The following DVL2 variants were observed in gnomAD, a reference collection of about 807,000 sequenced individuals.
DVL2 encodes the protein segment polarity protein dishevelled homolog DVL-2.
In DVL2, 38 loss-of-function variants were observed where a neutral mutation model predicts 69.8. That is an observed-to-expected ratio of 0.54 (90% CI 0.42 to 0.71). DVL2 has a LOEUF of 0.71. DVL2 is among the 30% of genes least tolerant of loss of function. The pLI, the probability that DVL2 is intolerant of heterozygous loss-of-function variation, is 0.00. For missense variants in DVL2, 931 were observed against 1,008.1 expected (o/e 0.92, Z 1.04); for synonymous variants, 428 against 392.4 (o/e 1.09, Z -1.07).
In DVL2 at chr17:7,234,110, C is replaced by A. The variant is rs987969510; in HGVS notation, c.153G>T (p.Ala51=). The A allele has an allele frequency of 1.2e-6, 2 of 1,614,114 alleles. No homozygotes were observed. The highest frequency in any genetic ancestry group is 1.7e-5 in the Admixed American group (1 of 60,024). The change falls in exon 1 of 15, where the codon GCG becomes GCT. Residue 51 remains alanine (A), a synonymous_variant. Transcript: ENST00000005340. ...GDFKSVLQRP[A]GAKYFFKSMD... ...TAGACTTGAAAAAGTACTTGGCGCC[C>A]GCGGGCCGCTGCAGGACGCTCTTGA...
In DVL2 at chr17:7,226,007, G is replaced by A. The variant is rs1465540012; in HGVS notation, c.2069C>T (p.Pro690Leu). Reference sequence around the variant, plus strand: ...AGGCTGCACTGCTGGAGGGACTGGAGGTGGAGGTGGGGGCATCATGACCAC... The same window carrying A: ...AGGCTGCACTGCTGGAGGGACTGGAAGTGGAGGTGGGGGCATCATGACCAC... ...MMVVMMPPPP[P>L]PVPPAVQPPG... Residue 690 changes from proline to leucine, a missense_variant, in exon 15 of 15, where the codon CCT (proline) becomes CTT (leucine). Transcript: ENST00000005340. 4 of 1,613,260 alleles carry A rather than the reference G, an allele frequency of 2.5e-6. No homozygotes were observed. Among genetic ancestry groups the A allele is most frequent in the East Asian group, 2.2e-5 (1 of 44,868 alleles).
At chr17:7,233,877 G>A in intron 1 of DVL2, 192 bp downstream of exon 1, 2 of 666,894 alleles carry the variant, frequency 3.0e-6, no homozygotes, top group South Asian at 1.8e-5. Flanking sequence ...ATCCTAGTCT[G>A]TCCGTGTGCC....
rs1318871106 is a variant in DVL2 at position 7,234,195 on chromosome 17, T to C, written c.68A>G (p.Glu23Gly). The C allele has an allele frequency of 6.2e-7, 1 of 1,614,058 alleles. No individual in the cohort carries two copies. The highest frequency in any genetic ancestry group is 2.2e-5 in the East Asian group (1 of 44,866). ...GATCTTCACCAGGTAGGGAGTCTCT[T>C]CCTCATCCAGGTGGTAAATCACCTT... ...ETKVIYHLDE[E>G]ETPYLVKIPV... Residue 23 changes from glutamate to glycine, a missense_variant, in exon 1 of 15, where the codon GAA becomes GGA. Around this residue, in one of 3 missense-constraint regions of DVL2, gnomAD observed 555 missense variants for 588.8 expected, o/e 0.94. Transcript: ENST00000005340.
chr17:7,230,868 T>C (rs2071532787), intron 1 of DVL2, 71 bp from the exon 2 acceptor site: 82 of 1,194,574 alleles, frequency 6.9e-5, no homozygotes, highest in Non-Finnish European at 9.8e-5. Flanking sequence ...TCAAACTTTC[T>C]CCCAATCTTC....
At chr17:7,233,833 G>C (rs1405378888) in intron 1 of DVL2, 1 of 591,980 alleles carries the variant, frequency 1.7e-6, no homozygotes, top group African/African-American at 1.9e-5. Flanking sequence ...ACCTATTCCA[G>C]TAAAGCCTAA....
At position 7,234,062 on chromosome 17, in the gene DVL2, C is replaced by G; in HGVS notation, c.194+7G>C. On this transcript the variant is annotated splice_region_variant and intron_variant, in intron 1 of 14. Transcript: ENST00000005340. The stretch of plus-strand genomic sequence containing the variant: ...CCCCGCCGGTCCTATCTAGGCCTTG[C>G]GCTCACCCGAAATCCTGATCCATAG... 1 of 1,613,664 alleles carries G rather than the reference C, an allele frequency of 6.2e-7. No homozygotes were observed. Among genetic ancestry groups the G allele is most frequent in the Non-Finnish European group, 8.5e-7 (1 of 1,179,988 alleles).
chr17:7,225,633 C>A lies in DVL2; in HGVS notation c.*232G>T, dbSNP rs370088608. The A allele has an allele frequency of 2.9e-5, 16 of 556,088 alleles. No homozygotes were observed. Among genetic ancestry groups the A allele is most frequent in the East Asian group, 1.9e-4 (6 of 32,150 alleles). 34.4% of individuals were successfully genotyped at this position (556,088 alleles called of 1,614,324 possible). On this transcript the variant is annotated 3_prime_UTR_variant, in exon 15 of 15. Coordinates refer to ENST00000005340, the MANE Select transcript of DVL2 (RefSeq NM_004422.3). ...AAAAATGTAAGAAACTCTATTTTAACCCCCAAAAAGGCTTATAAAAAAACA... is the reference window on the plus strand; with the variant it reads ...AAAAATGTAAGAAACTCTATTTTAAACCCCAAAAAGGCTTATAAAAAAACA...
Position 7,225,441 on chromosome 17 carries a change from GGCT to G in DVL2, c.*421_*423del. On this transcript the variant is annotated 3_prime_UTR_variant, in exon 15 of 15. Transcript: ENST00000005340. ...TGGCCCAAATCTCCCAGCTTCCTCA[GGCT>G]GCTGTCTAGGATGCCTAACCCCGGG... 2.3e-6 allele frequency: 1 copy of G among 441,152 alleles called. No homozygotes were observed. The allele number at this position is 441,152 out of a possible 1,614,324, so 27.3% of individuals were successfully genotyped here.
chr17:7,228,957 T>C lies in DVL2; in HGVS notation c.1034+12A>G, dbSNP rs1191834631. ...AGAGGACTGAGGACCGGCAACCTGC[T>C]TGGCAACTCACCCAGGCTTGTGCAC... On this transcript the variant is annotated intron_variant, in intron 9 of 14. Coordinates refer to ENST00000005340, the MANE Select transcript of DVL2 (RefSeq NM_004422.3). The C allele has an allele frequency of 7.4e-6, 12 of 1,613,814 alleles. No individual in the cohort carries two copies. The highest frequency in any genetic ancestry group is 9.3e-6 in the Non-Finnish European group (11 of 1,179,762).
At position 7,234,395 on chromosome 17, in the gene DVL2, GA is replaced by G; in HGVS notation, c.-134del. 5 of 1,048,478 alleles carry G rather than the reference GA, an allele frequency of 4.8e-6. No individual in the cohort carries two copies. The highest frequency in any genetic ancestry group is 4.1e-6 in the Non-Finnish European group (3 of 739,732). The allele number at this position is 1,048,478 out of a possible 1,614,324, so 64.9% of individuals were successfully genotyped here. On this transcript the variant is annotated 5_prime_UTR_variant, in exon 1 of 15. Transcript: ENST00000005340. ...CCCAGTACGGGAGAGAAGCAAAGGG[GA>G]AAAAGCACGGATCTGCGAGGGTGGC...
At chr17:7,232,332 A>AT (rs2071555840) in intron 1 of DVL2, among the ~76,000 whole-genome samples, 1 of 152,202 alleles carries the variant, frequency 6.6e-6, no homozygotes, top group Non-Finnish European at 1.5e-5. Flanking sequence ...GCCAGGATAT[A>AT]TATCAACATA....
chr17:7,233,943 T>C, intron 1 of DVL2, 126 bp downstream of exon 1: 1 of 992,930 alleles, frequency 1.0e-6, no homozygotes, highest in Non-Finnish European at 1.5e-6. Context: ...TACCTCAGCA[T>C]AGTACAATCT....
rs531401479 is a variant in DVL2 at position 7,228,516 on chromosome 17, T to C, written c.1034+453A>G. On this transcript the variant is annotated intron_variant, in intron 9 of 14. Transcript: ENST00000005340. ...ATGATCTAGATGGCAGTGACATGGA[T>C]ATTTACTCTAGTATTATTTGCTATG... is the stretch of plus-strand genomic sequence containing the variant. The C allele has an allele frequency of 1.3e-4, 24 of 179,922 alleles. No individual in the cohort carries two copies. In the South Asian group the frequency reaches 2.1e-3, roughly 15 times the overall value. The allele number at this position is 179,922 out of a possible 1,614,324, so 11.1% of individuals were successfully genotyped here.
Position 7,234,480 on chromosome 17 carries a change from C to G in DVL2, c.-218G>C, listed in dbSNP as rs948997607. On this transcript the variant is annotated 5_prime_UTR_variant, in exon 1 of 15. Transcript: ENST00000005340. ...CCCCGGTCTCAGCGGCCGCCGCGCG[C>G]CACCGCCACCGACGCCGCGAGCTTC... 1 of 554,330 alleles carries G rather than the reference C, an allele frequency of 1.8e-6. No homozygotes were observed. The highest frequency in any genetic ancestry group is 2.0e-5 in the African/African-American group (1 of 49,406). 34.3% of individuals were successfully genotyped at this position (554,330 alleles called of 1,614,324 possible). A position where few individuals can be genotyped will look rare whatever the true frequency, so the allele number is the denominator to read the frequency against.
chr17:7,226,622 G>C lies in DVL2; in HGVS notation c.1561C>G (p.Leu521Val), dbSNP rs1365176790. The stretch of plus-strand genomic sequence containing the variant: ...CCACTGGAGCCATCGTTGTCATTGA[G>C]AGACAGGTTGACTAGGTCTGGAAAG... Reference protein sequence around the residue: ...GCESYLVNLSLNDNDGSSGAS... With the variant: ...GCESYLVNLSVNDNDGSSGAS... The change falls in exon 14 of 15, where the codon CTC becomes GTC. Residue 521 changes from leucine (L) to valine (V), a missense_variant. Leu to Val is a conservative substitution (Grantham distance 32). Transcript: ENST00000005340. 3 of 1,570,360 alleles carry C rather than the reference G, an allele frequency of 1.9e-6. No individual in the cohort carries two copies. Among genetic ancestry groups the C allele is most frequent in the South Asian group, 1.2e-5 (1 of 85,682 alleles).
chr17:7,228,120 T>A, intron 9 of DVL2, 76 bp from the exon 10 acceptor site: 4 of 1,254,614 alleles, frequency 3.2e-6, no homozygotes, highest in Non-Finnish European at 3.3e-6. Context: ...GAAGCAAGGA[T>A]GGATTAAGAG....
Position 7,231,880 on chromosome 17 carries a change from A to C in DVL2, c.195-1083T>G, listed in dbSNP as rs1011079852. On this transcript the variant is annotated intron_variant, in intron 1 of 14. Transcript: ENST00000005340. ...ACCTCAGAAAAAAAAAAAAAAAAAA[A>C]AACCACCCATTGGATCAAACAAACA... 2.8e-4 allele frequency among the ~76,000 whole-genome samples: 42 copies of C among 151,960 alleles called. No homozygotes were observed. In the South Asian group the frequency reaches 8.3e-3, roughly 30 times the overall value.
intron 13 of DVL2, chr17:7,226,876 T>C (rs759188000): frequency 2.2e-5 from 14 of 633,064 alleles, no homozygotes; most frequent in African/African-American, 3.7e-5. Flanking sequence ...CTTCCCCCGG[T>C]GGACACAGTC....
intron 1 of DVL2, among the ~76,000 whole-genome samples, chr17:7,231,863 A>G (rs1597552523): frequency 1.4e-5 from 2 of 147,206 alleles, no homozygotes; most frequent in African/African-American, 5.1e-5. Flanking sequence ...CCACCTCAGA[A>G]AAAAAAAAAA....
Sources: allele counts gnomAD v4.1 joint callset (sites outside exome capture counted in the v4.1 genomes callset), GRCh38; gene constraint gnomAD v4.1.1; regional missense constraint gnomAD v4.1.1; transcripts MANE v1.5; gene names NCBI Gene and HGNC (gene_info 2026-07-23, HGNC 2026-07-21).